Variants in TAF4B observed in about 807,000 individuals in gnomAD.
TAF4B encodes the protein transcription initiation factor TFIID subunit 4B.
In TAF4B, 38 loss-of-function variants were observed where a neutral mutation model predicts 86.4. That is an observed-to-expected ratio of 0.44 (90% CI 0.34 to 0.58). TAF4B has a LOEUF of 0.58. Among genes scored for constraint, TAF4B ranks in the 20% least tolerant of loss-of-function variants. The pLI is 0.02. For missense variants in TAF4B, 988 were observed against 1,027.6 expected (o/e 0.96, Z 0.53); for synonymous variants, 388 against 391.2 (o/e 0.99, Z 0.10).
intron 13 of TAF4B, among the ~76,000 whole-genome samples, chr18:26,335,873 T>C (rs2057086302): frequency 6.6e-6 from 1 of 152,216 alleles, no homozygotes. Context: ...CATTTCCCAA[T>C]ATCCATTTCC....
chr18:26,336,553 A>C (rs2057093422), intron 13 of TAF4B, among the ~76,000 whole-genome samples: 1 of 152,204 alleles, frequency 6.6e-6, no homozygotes, highest in Non-Finnish European at 1.5e-5. Context: ...TTTAAAAAAA[A>C]AGTTGAGAGC....
At chr18:26,317,705 T>C (rs1297948717) in intron 10 of TAF4B, among the ~76,000 whole-genome samples, 1 of 152,228 alleles carries the variant, frequency 6.6e-6, no homozygotes, top group Non-Finnish European at 1.5e-5. Context: ...GAAGGCCTTC[T>C]TTCTGGTATT....
At chr18:26,292,108 A>G (rs1305225226) in intron 7 of TAF4B, 138 bp from the exon 8 acceptor site, 2 of 910,360 alleles carry the variant, frequency 2.2e-6, no homozygotes, top group South Asian at 2.7e-5. Flanking sequence ...GCTTCATACA[A>G]ATTTAAAGTA....
intron 1 of TAF4B, among the ~76,000 whole-genome samples, chr18:26,240,980 G>A (rs1216501684): frequency 6.6e-6 from 1 of 152,184 alleles, no homozygotes; most frequent in African/African-American, 2.4e-5. Context: ...GCTGGATTCG[G>A]TTTGCCAGTA....
At chr18:26,290,749 G>T (rs530959447) in intron 7 of TAF4B, among the ~76,000 whole-genome samples, 188 of 152,230 alleles carry the variant, frequency 1.2e-3, no homozygotes, top group Admixed American at 2.2e-3. Flanking sequence ...AACAATTTTT[G>T]AATATTACTG....
At chr18:26,362,075 T>C (rs1357015517) in intron 14 of TAF4B, among the ~76,000 whole-genome samples, 9 of 152,182 alleles carry the variant, frequency 5.9e-5, no homozygotes, top group Admixed American at 2.0e-4. Context: ...CAACAAATTA[T>C]GTTAAATGTT....
At chr18:26,375,555 C>T (rs1291029842) in intron 14 of TAF4B, among the ~76,000 whole-genome samples, 5 of 152,144 alleles carry the variant, frequency 3.3e-5, no homozygotes, top group Admixed American at 2.6e-4. Context: ...CACATCCTTG[C>T]CAACACTTGT....
chr18:26,278,692 C>T (rs796756521), intron 5 of TAF4B, among the ~76,000 whole-genome samples: 14 of 150,288 alleles, frequency 9.3e-5, no homozygotes, highest in African/African-American at 3.4e-4. Context: ...CATTGCCTTT[C>T]TTACCGGTAG....
At chr18:26,271,034 G>A (rs76543682) in intron 3 of TAF4B, among the ~76,000 whole-genome samples, 11,791 of 152,250 alleles carry the variant, frequency 0.077, 560 homozygotes, top group Non-Finnish European at 0.1. Context: ...CTTAGTGGTA[G>A]CCTAGAACAG....
At chr18:26,380,721 C>T (rs573089716) in intron 14 of TAF4B, among the ~76,000 whole-genome samples, 89 of 151,944 alleles carry the variant, frequency 5.9e-4, no homozygotes, top group Non-Finnish European at 6.6e-4. Context: ...CATCTTTTTT[C>T]CTTTGGTTTA....
intron 13 of TAF4B, among the ~76,000 whole-genome samples, chr18:26,351,933 A>T (rs546926003): frequency 6.6e-6 from 1 of 152,198 alleles, no homozygotes; most frequent in Non-Finnish European, 1.5e-5. Context: ...AGGTTTTTCT[A>T]TTCCACTTGA....
chr18:26,380,888 T>G (rs2144378378), intron 14 of TAF4B, among the ~76,000 whole-genome samples: 1 of 152,318 alleles, frequency 6.6e-6, no homozygotes, highest in African/African-American at 2.4e-5. Context: ...AAGTCCATCA[T>G]CTTGCTGTTC....
intron 13 of TAF4B, among the ~76,000 whole-genome samples, chr18:26,355,680 C>T (rs2057283462): frequency 6.6e-6 from 1 of 152,156 alleles, no homozygotes. Context: ...AGACAGTGGT[C>T]AGTTTAAAAA....
chr18:26,297,161 A>T (rs2056674188), intron 9 of TAF4B, among the ~76,000 whole-genome samples: 1 of 151,946 alleles, frequency 6.6e-6, no homozygotes, highest in African/African-American at 2.4e-5. Context: ...TGTAGAAGTG[A>T]ATCTCTAAAT....
intron 14 of TAF4B, among the ~76,000 whole-genome samples, chr18:26,359,283 T>G (rs560366977): frequency 6.6e-5 from 10 of 152,330 alleles, no homozygotes; most frequent in African/African-American, 2.2e-4. Flanking sequence ...TTAGGTTGTT[T>G]CCAGGTTTTT....
intron 10 of TAF4B, among the ~76,000 whole-genome samples, chr18:26,316,075 T>C (rs1254620531): frequency 2.0e-5 from 3 of 151,134 alleles, no homozygotes; most frequent in South Asian, 2.1e-4. Context: ...GTGGTGGGGG[T>C]GCGCCTGTAG....
rs1376694251 is a variant in TAF4B, at chr18:26,385,348, G to T, written c.2422-4497G>T. ...GTTAGAGCAATAGAGTTCCTCAGAA[G>T]TTTCATTATAAAAACAAGAAACTTA... is the stretch of plus-strand genomic sequence containing the variant. On this transcript the variant is annotated intron_variant, in intron 14 of 14. Coordinates refer to ENST00000269142, the MANE Select transcript of TAF4B (RefSeq NM_005640.3). Among the ~76,000 whole-genome samples the T allele has an allele frequency of 2.6e-5, 4 of 152,180 alleles. No homozygotes were observed. The East Asian group carries it at 7.7e-4, about 29-fold the overall frequency.
At chr18:26,323,698 T>G (rs890288356) in intron 11 of TAF4B, among the ~76,000 whole-genome samples, 3 of 152,162 alleles carry the variant, frequency 2.0e-5, no homozygotes, top group Non-Finnish European at 4.4e-5. Flanking sequence ...AATAATGTCC[T>G]TGTTTGTCTC....
In TAF4B at chr18:26,266,186, C is replaced by T. The variant is rs546433406; in HGVS notation, c.489+871C>T. The T allele has an allele frequency of 5.3e-5, 8 of 152,284 alleles. No individual in the cohort carries two copies. The East Asian group carries it at 1.5e-3, about 29-fold the overall frequency. The allele number at this position is 152,284 out of a possible 1,614,324, so 9.4% of individuals were successfully genotyped here. The stretch of plus-strand genomic sequence containing the variant: ...GGAGTGCAATGGTATGATCTTGGCT[C>T]ACCGCAACCTCTGCCTCCCAGGTAC... On this transcript the variant is annotated intron_variant, in intron 2 of 14. Coordinates refer to ENST00000269142, the MANE Select transcript of TAF4B (RefSeq NM_005640.3).
Sources: allele counts gnomAD v4.1 joint callset (sites outside exome capture counted in the v4.1 genomes callset), GRCh38; gene constraint gnomAD v4.1.1; transcripts MANE v1.5; gene names NCBI Gene and HGNC (gene_info 2026-07-23, HGNC 2026-07-21).